Variants in PRRC2B observed in about 807,000 individuals in gnomAD.
PRRC2B encodes the protein protein PRRC2B.
A neutral mutation model predicts 242.3 loss-of-function variants in PRRC2B; 68 were observed. That is an observed-to-expected ratio of 0.28 (90% CI 0.23 to 0.34). PRRC2B has a LOEUF of 0.34. Ranked by LOEUF, PRRC2B falls within the 10% of genes least tolerant of loss-of-function variation. The probability of loss-of-function intolerance (pLI) is 1.00; values close to 1 mark genes in which losing one functional copy is unlikely to be tolerated. For synonymous variants in PRRC2B, 1,228 were observed against 1,173.6 expected (o/e 1.05, Z -0.95); for missense variants, 2,835 against 2,954.8 (o/e 0.96, Z 0.94).
chr9:131,451,123 G>A (rs571635204), intron 9 of PRRC2B, among the ~76,000 whole-genome samples: 1 of 152,138 alleles, frequency 6.6e-6, no homozygotes, highest in African/African-American at 2.4e-5. Flanking sequence ...GCTGAGGCCG[G>A]GCGCAGTGGC....
chr9:131,492,375 T>A, intron 30 of PRRC2B, 115 bp downstream of exon 30: 1 of 747,530 alleles, frequency 1.3e-6, no homozygotes. Context: ...CTGGTCCCTC[T>A]ATGGGCCATG....
chr9:131,466,673 G>GAA (rs1011781228), intron 12 of PRRC2B, among the ~76,000 whole-genome samples: 4 of 151,774 alleles, frequency 2.6e-5, no homozygotes, highest in African/African-American at 2.4e-5. Context: ...CACCTAGGCT[G>GAA]GAGTGCAATG....
chr9:131,479,418 G>A (rs773311254), intron 19 of PRRC2B, 25 bp downstream of exon 19: 3 of 1,607,654 alleles, frequency 1.9e-6, no homozygotes, highest in East Asian at 4.5e-5. Context: ...TGTGACCCCA[G>A]CTGTGGCACC....
intron 17 of PRRC2B, 76 bp from the exon 18 acceptor site, chr9:131,478,398 G>GAC: frequency 7.1e-7 from 1 of 1,407,916 alleles, no homozygotes; most frequent in Admixed American, 1.8e-5. Flanking sequence ...CTAGATCTCA[G>GAC]GCGCCTGTTG....
chr9:131,436,478 C>A (rs552564496), intron 3 of PRRC2B, 142 bp from the exon 4 acceptor site: 2 of 587,368 alleles, frequency 3.4e-6, no homozygotes, highest in East Asian at 5.7e-5. Context: ...GCATAAGAAT[C>A]TACTGGGGAA....
At chr9:131,378,722 T>G (rs1023680058) in intron 1 of PRRC2B, among the ~76,000 whole-genome samples, 11 of 152,108 alleles carry the variant, frequency 7.2e-5, no homozygotes, top group African/African-American at 2.7e-4. Flanking sequence ...TTGTTTTTGT[T>G]TTTGTTTTTT....
chr9:131,411,354 T>TTTTGTTTTTTGTTTTG (rs1837502644), intron 1 of PRRC2B, among the ~76,000 whole-genome samples: 2 of 300 alleles, frequency 6.7e-3, no homozygotes, highest in Non-Finnish European at 0.1. Flanking sequence ...TTTTGTTTTG[T>TTTTGTTTTTTGTTTTG]TTTTTTTTTT....
intron 1 of PRRC2B, among the ~76,000 whole-genome samples, chr9:131,420,493 C>CTTTCTTTCTTTCTTTTTT: frequency 3.3e-5 from 1 of 30,164 alleles, no homozygotes; most frequent in Non-Finnish European, 6.4e-5. Context: ...TTCTTTCTTT[C>CTTTCTTTCTTTCTTTTTT]TTTTTTTTTT....
chr9:131,483,463 C>T lies in PRRC2B; in HGVS notation c.5460+18C>T. ...CCAGTAATGTAAGTCCACACTTCCA[C>T]TTTTGGCTCCACTCACTGCTTGGGG... On this transcript the variant is annotated intron_variant, in intron 23 of 31. Transcript: ENST00000683519. 6.2e-7 allele frequency: 1 copy of T among 1,609,274 alleles called. No individual in the cohort carries two copies. Among genetic ancestry groups the T allele is most frequent in the Non-Finnish European group, 8.5e-7 (1 of 1,175,894 alleles).
Position 131,488,746 on chromosome 9 carries a change from C to T in PRRC2B, c.6225+650C>T, listed in dbSNP as rs566392293. 3.3e-5 allele frequency among the ~76,000 whole-genome samples: 5 copies of T among 152,304 alleles called. No homozygotes were observed. The East Asian group carries it at 5.8e-4, about 18-fold the overall frequency. Reference sequence around the variant, plus strand: ...TCCTCTTCTTCCTTCCTCCCTGAAACGCCAGCTTTGAAGCCCACACCATAG... The same window carrying T: ...TCCTCTTCTTCCTTCCTCCCTGAAATGCCAGCTTTGAAGCCCACACCATAG... On this transcript the variant is annotated intron_variant, in intron 28 of 31. Transcript: ENST00000683519.
chr9:131,423,217 A>G (rs1446029763), intron 1 of PRRC2B, among the ~76,000 whole-genome samples: 1 of 152,226 alleles, frequency 6.6e-6, no homozygotes, highest in African/African-American at 2.4e-5. Context: ...TGGTGCGTCT[A>G]TGCCGGGTCT....
intron 1 of PRRC2B, among the ~76,000 whole-genome samples, chr9:131,379,527 A>G (rs1219579937): frequency 6.6e-6 from 1 of 151,018 alleles, no homozygotes; most frequent in Non-Finnish European, 1.5e-5. Context: ...TTTGATTTGC[A>G]TTTCCCTGCT....
In PRRC2B at chr9:131,481,816, T is replaced by C; in HGVS notation, c.4983+8T>C. The C allele has an allele frequency of 6.4e-7, 1 of 1,550,912 alleles. No individual in the cohort carries two copies. Among genetic ancestry groups the C allele is most frequent in the Non-Finnish European group, 8.7e-7 (1 of 1,150,362 alleles). On this transcript the variant is annotated splice_region_variant and intron_variant, in intron 20 of 31. Transcript: ENST00000683519. ...GAGACTGGCTCTGCGGAGGTGAGTG[T>C]GGCCGCTGCCCACATGCTGCCCCTG...
chr9:131,476,349 G>T lies in PRRC2B; in HGVS notation c.4220G>T (p.Gly1407Val), dbSNP rs1943699702. ...TCCCAGGTGGATGGTGGCCTGTCGG[G>T]GGCTAGTTTGGGTGAGAAGAAGGAG... ...PDSQVDGGLSGASLGEKKELA... is the reference protein window; with the variant it reads ...PDSQVDGGLSVASLGEKKELA... Residue 1407 changes from glycine to valine, a missense_variant, in exon 16 of 32, where the codon GGG becomes GTG. This residue lies in a region of PRRC2B where 1,536 missense variants were observed against 1,483.1 expected (regional missense o/e 1.04). Transcript: ENST00000683519. 1 of 1,590,262 alleles carries T rather than the reference G, an allele frequency of 6.3e-7. No homozygotes were observed. Among genetic ancestry groups the T allele is most frequent in the Non-Finnish European group, 8.6e-7 (1 of 1,168,594 alleles).
intron 1 of PRRC2B, among the ~76,000 whole-genome samples, chr9:131,417,801 T>C (rs1169284419): frequency 6.6e-6 from 1 of 152,188 alleles, no homozygotes; most frequent in African/African-American, 2.4e-5. Flanking sequence ...TGTGTGTGCG[T>C]GGAGATGCGT....
In PRRC2B at chr9:131,446,278, T is replaced by G; in HGVS notation, c.614-123T>G. On this transcript the variant is annotated intron_variant, in intron 6 of 31. Transcript: ENST00000683519. The surrounding 1 kb of genome is among the most constrained non-coding windows in gnomAD (Gnocchi z 4.1). Reference sequence around the variant, plus strand: ...AGATTTAACAGTTCTTCACTTTTGGTGTTTTTTGTTTTTCATTTTATTTTT... The same window carrying G: ...AGATTTAACAGTTCTTCACTTTTGGGGTTTTTTGTTTTTCATTTTATTTTT... 1.7e-6 allele frequency: 2 copies of G among 1,175,562 alleles called. No individual in the cohort carries two copies. The highest frequency in any genetic ancestry group is 2.4e-6 in the Non-Finnish European group (2 of 850,194). 72.8% of individuals were successfully genotyped at this position (1,175,562 alleles called of 1,614,324 possible).
chr9:131,444,358 T>A, intron 6 of PRRC2B, 30 bp downstream of exon 6: 1 of 1,601,570 alleles, frequency 6.2e-7, no homozygotes, highest in Non-Finnish European at 8.5e-7. Flanking sequence ...GGGCACTCGA[T>A]GGAGTAACAG....
rs746593386 is a variant in PRRC2B, at chr9:131,377,498, CTTTT to C, written c.-56+3769_-56+3772del. ...GTGATGGCATTTTATTTAATTTTTC[CTTTT>C]TCTTTTGTGTGTGTGTGTGTGTGTG... On this transcript the variant is annotated intron_variant, in intron 1 of 1. Coordinates refer to the PRRC2B transcript ENST00000682525. Among the ~76,000 whole-genome samples, 10 of 151,752 alleles carry C rather than the reference CTTTT, an allele frequency of 6.6e-5. No individual in the cohort carries two copies. In the East Asian group the frequency reaches 1.4e-3, roughly 21 times the overall value.
intron 1 of PRRC2B, among the ~76,000 whole-genome samples, chr9:131,402,260 T>C (rs1416441751): frequency 1.3e-5 from 2 of 152,230 alleles, no homozygotes; most frequent in Non-Finnish European, 2.9e-5. Flanking sequence ...GGTGGCAATG[T>C]TGAGCCACCT....
Sources: allele counts gnomAD v4.1 joint callset (sites outside exome capture counted in the v4.1 genomes callset), GRCh38; gene constraint gnomAD v4.1.1; regional missense constraint gnomAD v4.1.1; non-coding constraint Gnocchi (gnomAD v3.1); transcripts MANE v1.5; gene names NCBI Gene and HGNC (gene_info 2026-07-23, HGNC 2026-07-21).